The following AOPEP variants were observed in gnomAD, a reference collection of about 807,000 sequenced individuals.
AOPEP encodes aminopeptidase O (putative).
In AOPEP, 77 loss-of-function variants were observed where a neutral mutation model predicts 98.1. The ratio of observed to expected loss-of-function variants is 0.78; its 90% CI spans 0.65 to 0.95. AOPEP has a LOEUF of 0.95. Ranked by LOEUF, AOPEP falls within the 40% of genes least tolerant of loss-of-function variation. AOPEP has a pLI of 0.00. For synonymous variants in AOPEP, 346 were observed against 365.3 expected (o/e 0.95, Z 0.60); for missense variants, 1,024 against 1,024.7 (o/e 1.00, Z 0.01).
chr9:95,069,881 A>G (rs1818985439), intron 14 of AOPEP, among the ~76,000 whole-genome samples: 1 of 152,264 alleles, frequency 6.6e-6, no homozygotes, highest in African/African-American at 2.4e-5. Context: ...AAGAGCCTCC[A>G]GTGCTTCATT....
At chr9:95,085,441 G>A (rs373165971) in intron 16 of AOPEP, 19 of 532,748 alleles carry the variant, frequency 3.6e-5, no homozygotes, top group Middle Eastern at 6.4e-4. Context: ...TATGCCCAGC[G>A]ATGACCTCTC....
At chr9:94,959,537 A>G (rs976742164) in intron 9 of AOPEP, among the ~76,000 whole-genome samples, 3 of 152,260 alleles carry the variant, frequency 2.0e-5, no homozygotes, top group South Asian at 2.1e-4. Flanking sequence ...CATTATTTCT[A>G]TTCTTGTGCT....
chr9:94,860,882 A>G (rs760690892), intron 5 of AOPEP, among the ~76,000 whole-genome samples: 7 of 152,214 alleles, frequency 4.6e-5, no homozygotes, highest in East Asian at 1.9e-4. Context: ...TTTCAAAGTC[A>G]TAATTGACCG....
chr9:95,128,181 T>C, the AOPEP span, among the ~76,000 whole-genome samples: 67 of 152,286 alleles, frequency 4.4e-4, no homozygotes, highest in Non-Finnish European at 8.4e-4. Context: ...GGTCACCGGA[T>C]ATAAGCACGG....
intron 11 of AOPEP, 141 bp from the exon 12 acceptor site, chr9:95,005,017 G>C (rs2061868934): frequency 4.8e-6 from 1 of 208,728 alleles, no homozygotes; most frequent in Non-Finnish European, 8.4e-6. Context: ...GGCGGGCGCA[G>C]GGCGCGGGCT....
chr9:95,065,254 C>G (rs1232279431), intron 14 of AOPEP: 3 of 152,230 alleles, frequency 2.0e-5, no homozygotes, highest in African/African-American at 7.2e-5. Flanking sequence ...CTGCCTTGAT[C>G]CAGAGTCTAA....
intron 14 of AOPEP, among the ~76,000 whole-genome samples, chr9:95,067,448 G>A (rs1348315297): frequency 1.3e-5 from 2 of 152,198 alleles, no homozygotes; most frequent in African/African-American, 2.4e-5. Flanking sequence ...ACATGGAACT[G>A]TGTTCTGTAG....
At chr9:94,870,884 G>C (rs1250086420) in intron 5 of AOPEP, among the ~76,000 whole-genome samples, 1 of 152,246 alleles carries the variant, frequency 6.6e-6, no homozygotes, top group Non-Finnish European at 1.5e-5. Context: ...GTCTGTCTGT[G>C]TCTGGCTGGC....
intron 5 of AOPEP, among the ~76,000 whole-genome samples, chr9:94,831,968 C>CAAGGGACTGAAGGGGAA (rs1289189482): frequency 1.3e-5 from 2 of 151,992 alleles, no homozygotes; most frequent in African/African-American, 2.4e-5. Context: ...GTATATTCTC[C>CAAGGGACTGAAGGGGAA]AAGGGACTGA....
intron 5 of AOPEP, among the ~76,000 whole-genome samples, chr9:94,891,979 T>A (rs1374129528): frequency 6.6e-6 from 1 of 152,230 alleles, no homozygotes; most frequent in Non-Finnish European, 1.5e-5. Context: ...GGGTTGATAT[T>A]TCTTTCAGCA....
rs145999332 is a variant in AOPEP at position 94,795,911 on chromosome 9, A to G, written c.1118+2993A>G. 1.5e-3 allele frequency among the ~76,000 whole-genome samples: 226 copies of G among 152,312 alleles called. 3 individuals carry two copies. The South Asian group carries it at 0.024, about 16-fold the overall frequency. On this transcript the variant is annotated intron_variant, in intron 4 of 16. Transcript: ENST00000375315. ...GATAAAAATAAAGGTTTTATTATTG[A>G]CAGAAGCTGGACTGAAGGAATACTC...
At chr9:94,816,619 T>G (rs1319814063) in intron 5 of AOPEP, among the ~76,000 whole-genome samples, 1 of 152,016 alleles carries the variant, frequency 6.6e-6, no homozygotes, top group Non-Finnish European at 1.5e-5. Flanking sequence ...GCATATAGGT[T>G]GGTAAGGAGG....
intron 16 of AOPEP, chr9:95,085,780 A>G (rs1373898542): frequency 3.1e-6 from 2 of 642,082 alleles, no homozygotes; most frequent in Non-Finnish European, 4.5e-6. Context: ...GAAAGTTGCA[A>G]AAATTCTTCT....
intron 13 of AOPEP, among the ~76,000 whole-genome samples, chr9:95,053,088 C>G (rs1042247089): frequency 1.3e-5 from 2 of 151,888 alleles, no homozygotes; most frequent in African/African-American, 4.8e-5. Context: ...AGAGCACATG[C>G]TTTAATTATT....
At chr9:94,733,146 G>A (rs1195301644) in intron 1 of AOPEP, among the ~76,000 whole-genome samples, 1 of 115,910 alleles carries the variant, frequency 8.6e-6, no homozygotes, top group Non-Finnish European at 1.7e-5. Flanking sequence ...TCACTCTGTT[G>A]CCCAGGCTGG....
At chr9:94,882,002 T>C (rs951389066) in intron 5 of AOPEP, among the ~76,000 whole-genome samples, 3 of 152,190 alleles carry the variant, frequency 2.0e-5, no homozygotes, top group Admixed American at 2.0e-4. Flanking sequence ...GAGTCCTGGA[T>C]TGTAAGCTCT....
chr9:95,076,752 G>A (rs902940837), intron 14 of AOPEP, among the ~76,000 whole-genome samples: 2 of 152,144 alleles, frequency 1.3e-5, no homozygotes, highest in African/African-American at 4.8e-5. Context: ...AGGGATGAGG[G>A]GAAGACCTTA....
chr9:95,041,524 A>G (rs1449007383), intron 13 of AOPEP, among the ~76,000 whole-genome samples: 1 of 150,836 alleles, frequency 6.6e-6, no homozygotes, highest in African/African-American at 2.4e-5. Flanking sequence ...CCAGTTTGTG[A>G]TCTCACCATA....
chr9:94,754,803 C>G (rs778454867), intron 1 of AOPEP, among the ~76,000 whole-genome samples: 1 of 152,148 alleles, frequency 6.6e-6, no homozygotes, highest in Admixed American at 6.5e-5. Context: ...TGAGGATACA[C>G]GTTGCTTTGT....
Sources: allele counts gnomAD v4.1 joint callset (sites outside exome capture counted in the v4.1 genomes callset), GRCh38; gene constraint gnomAD v4.1.1; transcripts MANE v1.5; gene names NCBI Gene and HGNC (gene_info 2026-07-23, HGNC 2026-07-21).